DNAJC2: variants seen among roughly 807,000 people sequenced by gnomAD.
DNAJC2 encodes the protein DnaJ heat shock protein family (Hsp40) member C2.
A neutral mutation model predicts 94.0 loss-of-function variants in DNAJC2; 32 were observed. That is an observed-to-expected ratio of 0.34 (90% confidence interval 0.26 to 0.46). The LOEUF (loss-of-function observed/expected upper bound fraction) is 0.46, where lower values mean the gene tolerates loss of function less well. DNAJC2 is among the 20% of genes least tolerant of loss of function. The pLI, the probability that DNAJC2 is intolerant of heterozygous loss-of-function variation, is 1.00. For missense variants in DNAJC2, 550 were observed against 719.5 expected (o/e 0.76, Z 2.69); for synonymous variants, 210 against 229.7 (o/e 0.91, Z 0.77).
At chr7:103,323,690 T>G in intron 6 of DNAJC2, 27 bp from the exon 7 acceptor site, 10 of 1,358,154 alleles carry the variant, frequency 7.4e-6, no homozygotes, top group East Asian at 2.6e-5. Context: ...TAATACATGA[T>G]CAAGACAGAA....
At chr7:103,327,575 G>A (rs1818773172) in intron 4 of DNAJC2, 81 bp downstream of exon 4, 1 of 882,724 alleles carries the variant, frequency 1.1e-6, no homozygotes, top group East Asian at 2.5e-5. Context: ...ATGAACTACA[G>A]TATGCATAAG....
At chr7:103,338,082 A>C (rs543381288) in intron 2 of DNAJC2, among the ~76,000 whole-genome samples, 1 of 152,236 alleles carries the variant, frequency 6.6e-6, no homozygotes, top group African/African-American at 2.4e-5. Flanking sequence ...CCTGGGCAAC[A>C]AAGTAAGATC....
rs766012684 is a variant in DNAJC2, at chr7:103,312,437, A to G, written c.*132T>C. On this transcript the variant is annotated 3_prime_UTR_variant, in exon 17 of 17. Coordinates refer to ENST00000379263, the MANE Select transcript of DNAJC2 (RefSeq NM_014377.3). ...TGAAGGTTGTTTTGTATTAATGGTC[A>G]GTCTTTGTTCTCTGAGAAATTATGT... 1.2e-4 allele frequency: 176 copies of G among 1,514,988 alleles called. No individual in the cohort carries two copies. Among genetic ancestry groups the G allele is most frequent in the Non-Finnish European group, 1.5e-4 (170 of 1,140,976 alleles). The allele number at this position is 1,514,988 out of a possible 1,614,324, so 93.8% of individuals were successfully genotyped here. A position where few individuals can be genotyped will look rare whatever the true frequency, so the allele number is the denominator to read the frequency against.
intron 3 of DNAJC2, chr7:103,336,245 A>G (rs1263070492): frequency 6.6e-6 from 1 of 152,240 alleles, no homozygotes; most frequent in Non-Finnish European, 1.5e-5. Flanking sequence ...TCTTCTGAGA[A>G]AGAATTCTTT....
At position 103,315,751 on chromosome 7, in the gene DNAJC2, A is replaced by C. The variant is rs781077821; in HGVS notation, c.1636+13T>G. 5.6e-6 allele frequency: 9 copies of C among 1,605,228 alleles called. No individual in the cohort carries two copies. Among genetic ancestry groups the C allele is most frequent in the Non-Finnish European group, 7.7e-6 (9 of 1,172,308 alleles). ...TGGCTAGCATTTTCTACGTTTAGAA[A>C]AGCAAAATTTACCTTCAAATCGTTC... On this transcript the variant is annotated intron_variant, in intron 15 of 16. Transcript: ENST00000379263.
At chr7:103,313,964 C>A (rs921401240) in intron 15 of DNAJC2, 2 of 985,196 alleles carry the variant, frequency 2.0e-6, no homozygotes, top group Non-Finnish European at 2.4e-6. Context: ...GAAACTGCGG[C>A]CTGTGAGATC....
intron 10 of DNAJC2, among the ~76,000 whole-genome samples, chr7:103,321,472 C>T (rs948407831): frequency 4.0e-5 from 6 of 151,186 alleles, no homozygotes; most frequent in Non-Finnish European, 5.9e-5. Context: ...GAGCCAAAAT[C>T]GTGCCATTGC....
intron 1 of DNAJC2, among the ~76,000 whole-genome samples, chr7:103,342,542 T>A (rs1475721050): frequency 2.0e-5 from 3 of 152,018 alleles, no homozygotes; most frequent in Non-Finnish European, 1.5e-5. Flanking sequence ...CGACCTCAGG[T>A]GATCTGCCTG....
At chr7:103,317,049 A>G (rs1368240258) in intron 12 of DNAJC2, 35 bp from the exon 13 acceptor site, 4 of 1,558,390 alleles carry the variant, frequency 2.6e-6, no homozygotes, top group Middle Eastern at 1.7e-4. Flanking sequence ...ACTTAGAAGT[A>G]TACTGTATTG....
chr7:103,317,804 C>A (rs1563457037), intron 12 of DNAJC2, among the ~76,000 whole-genome samples: 1 of 151,030 alleles, frequency 6.6e-6, no homozygotes, highest in African/African-American at 2.5e-5. Flanking sequence ...ATGCCTGCCA[C>A]CATGCCCAGC....
chr7:103,317,547 T>G (rs184035325), intron 12 of DNAJC2, among the ~76,000 whole-genome samples: 1 of 152,240 alleles, frequency 6.6e-6, no homozygotes, highest in Middle Eastern at 3.2e-3. Context: ...CAGCTTTGGC[T>G]CATTTCTCCC....
At chr7:103,324,004 C>A (rs1438136136) in intron 6 of DNAJC2, among the ~76,000 whole-genome samples, 1 of 152,128 alleles carries the variant, frequency 6.6e-6, no homozygotes, top group Non-Finnish European at 1.5e-5. Flanking sequence ...CAGTTTGTAT[C>A]CTCTGAAGGT....
At chr7:103,329,581 T>G (rs1818881996) in intron 3 of DNAJC2, 1 of 152,352 alleles carries the variant, frequency 6.6e-6, no homozygotes, top group South Asian at 2.1e-4. Context: ...AATTTTTTAA[T>G]CTTTTTGGAA....
intron 3 of DNAJC2, chr7:103,328,822 T>A (rs533281217): frequency 1.3e-5 from 4 of 300,098 alleles, no homozygotes; most frequent in Admixed American, 5.2e-5. Flanking sequence ...GGCATTTCTC[T>A]ACTGTTGGAC....
At chr7:103,316,563 G>C (rs1818068006) in intron 13 of DNAJC2, 1 of 411,580 alleles carries the variant, frequency 2.4e-6, no homozygotes, top group Non-Finnish European at 4.3e-6. Flanking sequence ...AGCCATGACA[G>C]AGTAAGCCAA....
intron 6 of DNAJC2, 107 bp downstream of exon 6, chr7:103,324,375 G>C: frequency 1.0e-6 from 1 of 994,874 alleles, no homozygotes; most frequent in Non-Finnish European, 1.4e-6. Flanking sequence ...GTTCAGTGAA[G>C]GTTCTGCAAT....
intron 3 of DNAJC2, chr7:103,336,721 A>G (rs1819189662): frequency 6.6e-6 from 1 of 152,240 alleles, no homozygotes; most frequent in African/African-American, 2.4e-5. Flanking sequence ...ATTTATTTAT[A>G]CTGGAATAAC....
chr7:103,337,405 CA>C (rs1819215205), intron 3 of DNAJC2: 1 of 188,022 alleles, frequency 5.3e-6, no homozygotes, highest in African/African-American at 2.3e-5. Flanking sequence ...AATAAAAAGG[CA>C]GTATCCACTA....
chr7:103,313,091 T>C lies in DNAJC2; in HGVS notation c.1647A>G (p.Thr549=). The stretch of plus-strand genomic sequence containing the variant: ...CTTCTGTTGTCCAAGGGGTGAAGTC[T>C]GTATATGGACCTGATTAAGAAAAAT... The part of the protein sequence containing the change: ...TPSERFEGPY[T]DFTPWTTEEQ... Residue 549 remains threonine (T), a synonymous_variant, in exon 16 of 17, where the codon ACA becomes ACG. Coordinates refer to ENST00000379263, the MANE Select transcript of DNAJC2 (RefSeq NM_014377.3). 6.2e-7 allele frequency: 1 copy of C among 1,612,066 alleles called. No individual in the cohort carries two copies. The highest frequency in any genetic ancestry group is 1.1e-5 in the South Asian group (1 of 90,790).
Sources: gnomAD v4.1 joint callset for allele counts (sites outside exome capture counted in the v4.1 genomes callset) on GRCh38, gnomAD v4.1.1 for gene constraint, MANE v1.5 for transcripts, NCBI Gene and HGNC (gene_info 2026-07-23, HGNC 2026-07-21) for gene names.